The following THAP4 variants were observed in gnomAD, a reference collection of about 807,000 sequenced individuals.
The protein encoded by THAP4 is THAP domain containing 4, also known as peroxynitrite isomerase THAP4.
In THAP4, 18 loss-of-function variants were observed where a neutral mutation model predicts 48.1. The ratio of observed to expected loss-of-function variants is 0.37; its 90% CI spans 0.26 to 0.56. The LOEUF (loss-of-function observed/expected upper bound fraction) is 0.56. Ranked by LOEUF, THAP4 falls within the 20% of genes least tolerant of loss-of-function variation. The pLI, the probability that THAP4 is intolerant of heterozygous loss-of-function variation, is 0.78. For missense variants in THAP4, 656 were observed against 774.9 expected, an observed-to-expected ratio of 0.85 and a Z score of 1.82; for synonymous variants, 345 against 324.9, an observed-to-expected ratio of 1.06 and a Z score of -0.66.
chr2:241,624,806 C>T (rs2067477165), intron 2 of THAP4, among the ~76,000 whole-genome samples: 1 of 152,126 alleles, frequency 6.6e-6, no homozygotes, highest in African/African-American at 2.4e-5. Flanking sequence ...TCTGGGAGCC[C>T]CCCAAGAATC....
chr2:241,633,287 G>C lies in THAP4; in HGVS notation c.870C>G (p.Thr290=). 6.2e-7 allele frequency: 1 copy of C among 1,611,886 alleles called. No homozygotes were observed. Among genetic ancestry groups the C allele is most frequent in the Non-Finnish European group, 8.5e-7 (1 of 1,179,972 alleles). The change falls in exon 2 of 6, where the codon ACC becomes ACG. Residue 290 remains threonine (T), a synonymous_variant. Transcript: ENST00000407315. The surrounding 1 kb of genome is among the most constrained non-coding windows in gnomAD (Gnocchi z 7.5). ...LAQSPPSSSL[T]ATPQKPSQSP... ...TCTGGGAAGGCTTCTGCGGTGTCGC[G>C]GTAAGTGATGAGCTGGGAGGGCTCT...
chr2:241,596,803 C>T (rs1447930520), intron 5 of THAP4, among the ~76,000 whole-genome samples: 1 of 152,006 alleles, frequency 6.6e-6, no homozygotes, highest in Non-Finnish European at 1.5e-5. Flanking sequence ...GAGACTCCGT[C>T]TCAAAAACAA....
At chr2:241,588,261 T>C (rs2066916391) in intron 5 of THAP4, among the ~76,000 whole-genome samples, 1 of 152,074 alleles carries the variant, frequency 6.6e-6, no homozygotes, top group Non-Finnish European at 1.5e-5. Context: ...AACCAATACG[T>C]TGAAAACTAC....
At chr2:241,632,040 T>C (rs2067570097) in intron 2 of THAP4, among the ~76,000 whole-genome samples, 1 of 152,042 alleles carries the variant, frequency 6.6e-6, no homozygotes, top group East Asian at 1.9e-4. Context: ...CCTGAGTAGC[T>C]GGCATTACAG....
chr2:241,588,592 G>A (rs1219777896), intron 5 of THAP4, among the ~76,000 whole-genome samples: 1 of 152,188 alleles, frequency 6.6e-6, no homozygotes, highest in Non-Finnish European at 1.5e-5. Context: ...AGAGAAGAGT[G>A]GGACAGAAGA....
In THAP4 at chr2:241,603,050, T is replaced by A; in HGVS notation, c.1430A>T (p.Lys477Met). ...GAAGCCACACTCTCTGTGCATCGGC[T>A]TGCGCGTGTCCGGGTGGAAGGAGTT... ...SFNSFHPDTR[K>M]PMHRECGFIR... Residue 477 changes from lysine (K) to methionine (M), a missense_variant, in exon 4 of 6, where the codon AAG becomes ATG. Lys to Met is a moderately conservative substitution (Grantham distance 95). Around this residue, in one of 4 missense-constraint regions of THAP4, gnomAD observed 176 missense variants for 256.7 expected, o/e 0.69. Coordinates refer to ENST00000407315, the MANE Select transcript of THAP4 (RefSeq NM_015963.6). The A allele has an allele frequency of 6.2e-7, 1 of 1,614,066 alleles. No homozygotes were observed. The highest frequency in any genetic ancestry group is 8.5e-7 in the Non-Finnish European group (1 of 1,179,960).
In THAP4 at chr2:241,616,343, A is replaced by G. The variant is rs2067347377; in HGVS notation, c.1241-9870T>C. Among the ~76,000 whole-genome samples the G allele has an allele frequency of 6.6e-6, 1 of 152,194 alleles. No homozygotes were observed. Among genetic ancestry groups the G allele is most frequent in the Non-Finnish European group, 1.5e-5 (1 of 68,022 alleles). On this transcript the variant is annotated intron_variant, in intron 2 of 5. Transcript: ENST00000407315. This position sits in a 1 kb window ranked among gnomAD's most constrained non-coding sequence, Gnocchi z 4.6. Reference sequence around the variant, plus strand: ...TGACATCAGTGAGAAGGGCGGGTGCAGGCGCACGAGAGCTGAGGGCGAGCC... The same window carrying G: ...TGACATCAGTGAGAAGGGCGGGTGCGGGCGCACGAGAGCTGAGGGCGAGCC...
chr2:241,611,978 C>T (rs2067282957), intron 2 of THAP4, among the ~76,000 whole-genome samples: 1 of 152,178 alleles, frequency 6.6e-6, no homozygotes, highest in African/African-American at 2.4e-5. Flanking sequence ...ATACGGTTCA[C>T]TGCGGCCTAG....
rs1194297029 is a variant in THAP4 at position 241,589,248 on chromosome 2, C to G, written c.1615-4523G>C. 2.0e-5 allele frequency among the ~76,000 whole-genome samples: 3 copies of G among 150,684 alleles called. No homozygotes were observed. The East Asian group carries it at 5.8e-4, about 29-fold the overall frequency. On this transcript the variant is annotated intron_variant, in intron 5 of 5. Transcript: ENST00000407315. ...AAGAAAAAGAAAAGAAACCCCCCAC[C>G]CCCACCAAAAAAAACAACATTTGGT...
chr2:241,623,463 C>T (rs2067459588), intron 2 of THAP4, among the ~76,000 whole-genome samples: 1 of 151,844 alleles, frequency 6.6e-6, no homozygotes, highest in Non-Finnish European at 1.5e-5. Flanking sequence ...ATCTGTAGTC[C>T]CACCTACTTA....
chr2:241,637,270 A>T (rs909123546), upstream of THAP4: 1 of 1,093,734 alleles, frequency 9.1e-7, no homozygotes, highest in Non-Finnish European at 1.1e-6. Context: ...GGCCCCTCGC[A>T]GCGTCCGTCG....
Position 241,610,823 on chromosome 2 carries a change from G to A in THAP4, c.1241-4350C>T, listed in dbSNP as rs2067262369. 6.6e-6 allele frequency among the ~76,000 whole-genome samples: 1 copy of A among 151,910 alleles called. No homozygotes were observed. The highest frequency in any genetic ancestry group is 2.4e-5 in the African/African-American group (1 of 41,302). The stretch of plus-strand genomic sequence containing the variant: ...CAGGGACAGCGAGAGACGGGACGGG[G>A]ACAGAGACACAGAGACAGAGAGACA... On this transcript the variant is annotated intron_variant, in intron 2 of 5. Transcript: ENST00000407315. This position sits in a 1 kb window ranked among gnomAD's most constrained non-coding sequence, Gnocchi z 4.2.
chr2:241,615,903 G>A (rs1263549514), intron 2 of THAP4, among the ~76,000 whole-genome samples: 3 of 152,194 alleles, frequency 2.0e-5, no homozygotes, highest in Non-Finnish European at 4.4e-5. Context: ...TAGGTTTCGC[G>A]TTCCTCAGGA....
At chr2:241,602,838 C>T (rs1325732230) in intron 4 of THAP4, 132 bp downstream of exon 4, 13 of 708,390 alleles carry the variant, frequency 1.8e-5, no homozygotes, top group Non-Finnish European at 3.2e-5. Flanking sequence ...TCTCAACACT[C>T]AGGGCCATCC....
At position 241,601,843 on chromosome 2, in the gene THAP4, C is replaced by T; in HGVS notation, c.1614+53G>A. 6.2e-7 allele frequency: 1 copy of T among 1,607,360 alleles called. No homozygotes were observed. Among genetic ancestry groups the T allele is most frequent in the South Asian group, 1.1e-5 (1 of 89,666 alleles). The stretch of plus-strand genomic sequence containing the variant: ...ACGGAAGAGGAAGAGGCTGACTCCA[C>T]AGACCGCTGCAAACAGAAGACAGGA... On this transcript the variant is annotated intron_variant, in intron 5 of 5. Coordinates refer to ENST00000407315, the MANE Select transcript of THAP4 (RefSeq NM_015963.6). The surrounding 1 kb of genome is among the most constrained non-coding windows in gnomAD (Gnocchi z 4.0).
At chr2:241,620,951 GAC>G (rs988707712) in intron 2 of THAP4, among the ~76,000 whole-genome samples, 1 of 151,716 alleles carries the variant, frequency 6.6e-6, no homozygotes, top group Non-Finnish European at 1.5e-5. Flanking sequence ...AAAATAACGA[GAC>G]ATGCTAAAAG....
chr2:241,587,242 C>G (rs2066905447), intron 5 of THAP4, among the ~76,000 whole-genome samples: 1 of 152,154 alleles, frequency 6.6e-6, no homozygotes, highest in Non-Finnish European at 1.5e-5. Context: ...GCTGGGGGCC[C>G]AGATAAAATA....
chr2:241,586,256 G>A (rs1469124215), intron 5 of THAP4, among the ~76,000 whole-genome samples: 12 of 111,034 alleles, frequency 1.1e-4, no homozygotes, highest in Admixed American at 8.2e-4. Context: ...GACTCCATCT[G>A]AAGAGGAAAA....
In THAP4 at chr2:241,597,496, T is replaced by C. The variant is rs1356406450; in HGVS notation, c.1614+4400A>G. On this transcript the variant is annotated intron_variant, in intron 5 of 5. Transcript: ENST00000407315. ...TCTGAACCTAACAAGGAAGACACATTTCCCCCAATACATATTGGAAAGATG... is the reference window on the plus strand; with the variant it reads ...TCTGAACCTAACAAGGAAGACACATCTCCCCCAATACATATTGGAAAGATG... 2.0e-5 allele frequency among the ~76,000 whole-genome samples: 3 copies of C among 152,114 alleles called. No individual in the cohort carries two copies. The East Asian group carries it at 5.8e-4, about 29-fold the overall frequency.
Sources: allele counts gnomAD v4.1 joint callset (sites outside exome capture counted in the v4.1 genomes callset), GRCh38; gene constraint gnomAD v4.1.1; regional missense constraint gnomAD v4.1.1; non-coding constraint Gnocchi (gnomAD v3.1); transcripts MANE v1.5; gene names NCBI Gene and HGNC (gene_info 2026-07-23, HGNC 2026-07-21).